Variants in CSMD2 observed in about 807,000 individuals in gnomAD.
The protein encoded by CSMD2 is CUB and sushi domain-containing protein 2.
A neutral mutation model predicts 398.5 loss-of-function variants in CSMD2; 130 were observed. The ratio of observed to expected loss-of-function variants is 0.33; its 90% confidence interval spans 0.28 to 0.38. CSMD2 has a LOEUF of 0.38. Ranked by LOEUF, CSMD2 falls within the 10% of genes least tolerant of loss-of-function variation. The pLI is 1.00. For synonymous variants in CSMD2, 1,828 were observed against 1,908.5 expected, an observed-to-expected ratio of 0.96 and a Z score of 1.10; for missense variants, 3,829 against 4,764.9, an observed-to-expected ratio of 0.80 and a Z score of 5.78.
At chr1:34,022,771 A>G (rs1257811768) in intron 3 of CSMD2, among the ~76,000 whole-genome samples, 1 of 152,150 alleles carries the variant, frequency 6.6e-6, no homozygotes, top group Non-Finnish European at 1.5e-5. Context: ...ATGGCCAGGT[A>G]AGGAGTCTGG....
intron 14 of CSMD2, among the ~76,000 whole-genome samples, chr1:33,740,851 A>G (rs938772549): frequency 2.0e-5 from 3 of 152,200 alleles, no homozygotes; most frequent in Admixed American, 6.5e-5. Flanking sequence ...GCGCACACAC[A>G]CAAGCGCAAA....
intron 12 of CSMD2, among the ~76,000 whole-genome samples, chr1:33,780,925 G>T (rs746035249): frequency 3.3e-5 from 5 of 152,236 alleles, no homozygotes; most frequent in African/African-American, 9.6e-5. Context: ...GAAAATAACA[G>T]AAGAGAGGCT....
chr1:33,546,204 A>G lies in CSMD2; in HGVS notation c.8933T>C (p.Val2978Ala). The change falls in exon 57 of 71, where the codon GTT (valine) becomes GCT (alanine). Residue 2978 changes from valine (V) to alanine (A), a missense_variant. Transcript: ENST00000373381. ...LPHCSGTSVG[V>A]CGDPGIPAHG... ...AGCCGGGATCCCAGGGTCACCGCAA[A>G]CTCCCACGCTGGTTCCTATGGACCA... 2 of 1,613,400 alleles carry G rather than the reference A, an allele frequency of 1.2e-6. No homozygotes were observed. Among genetic ancestry groups the G allele is most frequent in the Non-Finnish European group, 1.7e-6 (2 of 1,179,576 alleles).
intron 55 of CSMD2, among the ~76,000 whole-genome samples, chr1:33,557,362 G>A (rs1164531602): frequency 1.3e-5 from 2 of 152,138 alleles, no homozygotes; most frequent in Non-Finnish European, 2.9e-5. Context: ...AGGGGTTCAT[G>A]TGCTGTGTTT....
chr1:34,099,656 T>C (rs943151346), intron 1 of CSMD2, among the ~76,000 whole-genome samples: 1 of 152,180 alleles, frequency 6.6e-6, no homozygotes, highest in African/African-American at 2.4e-5. Context: ...ACAGGTAGAA[T>C]AGTCGGAGAG....
At chr1:34,026,666 G>A (rs970007265) in intron 3 of CSMD2, among the ~76,000 whole-genome samples, 2 of 152,336 alleles carry the variant, frequency 1.3e-5, no homozygotes, top group South Asian at 2.1e-4. Flanking sequence ...TGCCCATCAC[G>A]CTCGCTTACC....
At chr1:34,009,886 C>A (rs1425363895) in intron 3 of CSMD2, among the ~76,000 whole-genome samples, 1 of 152,176 alleles carries the variant, frequency 6.6e-6, no homozygotes, top group Admixed American at 6.5e-5. Flanking sequence ...TCCTAGCTCA[C>A]GTCTCATCAT....
At chr1:33,611,009 A>G in intron 41 of CSMD2, 32 bp downstream of exon 41, 1 of 1,597,144 alleles carries the variant, frequency 6.3e-7, no homozygotes, top group Non-Finnish European at 8.6e-7. Context: ...GGAGATAGAC[A>G]GAGAAGCAAA....
intron 3 of CSMD2, among the ~76,000 whole-genome samples, chr1:33,978,973 C>G (rs1245277732): frequency 6.6e-6 from 1 of 152,176 alleles, no homozygotes; most frequent in East Asian, 1.9e-4. Flanking sequence ...TGCCCAAAGC[C>G]ACATCACATA....
At chr1:33,792,346 G>C (rs559392044) in intron 11 of CSMD2, 77 bp downstream of exon 11, 1 of 928,908 alleles carries the variant, frequency 1.1e-6, no homozygotes, top group East Asian at 2.4e-5. Flanking sequence ...TAGGGACCAG[G>C]CAGGACTCCA....
intron 6 of CSMD2, among the ~76,000 whole-genome samples, chr1:33,829,734 C>A (rs1222222600): frequency 6.6e-6 from 1 of 152,188 alleles, no homozygotes; most frequent in African/African-American, 2.4e-5. Context: ...TGCAAGGGAT[C>A]AGGGAGTTCC....
intron 57 of CSMD2, among the ~76,000 whole-genome samples, chr1:33,543,625 G>A (rs1442973141): frequency 6.6e-6 from 1 of 152,180 alleles, no homozygotes; most frequent in Non-Finnish European, 1.5e-5. Context: ...CCATTATGAA[G>A]TTTTTCATTT....
At chr1:33,921,719 C>T (rs1446701103) in intron 4 of CSMD2, among the ~76,000 whole-genome samples, 1 of 152,226 alleles carries the variant, frequency 6.6e-6, no homozygotes, top group Non-Finnish European at 1.5e-5. Context: ...CTTGACAGCA[C>T]TGCCGAGGTG....
chr1:33,805,550 T>C (rs960074363), intron 10 of CSMD2, among the ~76,000 whole-genome samples: 6 of 152,166 alleles, frequency 3.9e-5, no homozygotes, highest in African/African-American at 7.2e-5. Flanking sequence ...TGTTAAGGAT[T>C]GAATTATAAT....
chr1:33,734,389 C>T (rs1289462852), intron 15 of CSMD2, among the ~76,000 whole-genome samples: 1 of 152,166 alleles, frequency 6.6e-6, no homozygotes, highest in African/African-American at 2.4e-5. Flanking sequence ...CAGAGTCTAG[C>T]TCTGTCGCCC....
chr1:33,826,397 T>C (rs927755185), intron 6 of CSMD2, among the ~76,000 whole-genome samples: 3 of 152,210 alleles, frequency 2.0e-5, no homozygotes, highest in Admixed American at 6.5e-5. Flanking sequence ...ATAAAAGCAC[T>C]TGCCAGATTA....
Position 33,941,157 on chromosome 1 carries a change from T to A in CSMD2, c.518-5203A>T, listed in dbSNP as rs1357553115. ...AAAGCAGTGCCTGACATTGAACAAT[T>A]CCATTGTAGATTAGCTGTGGGGAAT... On this transcript the variant is annotated intron_variant, in intron 3 of 70. Coordinates refer to ENST00000373381, the MANE Select transcript of CSMD2 (RefSeq NM_001281956.2). 2.0e-5 allele frequency among the ~76,000 whole-genome samples: 3 copies of A among 152,180 alleles called. No homozygotes were observed. The East Asian group carries it at 5.8e-4, about 29-fold the overall frequency.
At chr1:33,692,688 C>G (rs1381407406) in intron 25 of CSMD2, among the ~76,000 whole-genome samples, 1 of 152,222 alleles carries the variant, frequency 6.6e-6, no homozygotes, top group African/African-American at 2.4e-5. Context: ...ATGCCCTCGG[C>G]TACTCTGCTG....
chr1:33,973,897 G>C (rs1368051147), intron 3 of CSMD2, among the ~76,000 whole-genome samples: 1 of 152,164 alleles, frequency 6.6e-6, no homozygotes, highest in Non-Finnish European at 1.5e-5. Context: ...GGGGTAGGAA[G>C]AATCAACGGA....
Sources: gnomAD v4.1 joint callset for allele counts (sites outside exome capture counted in the v4.1 genomes callset) on GRCh38, gnomAD v4.1.1 for gene constraint, MANE v1.5 for transcripts, NCBI Gene and HGNC (gene_info 2026-07-23, HGNC 2026-07-21) for gene names.